DDX10: variants seen among roughly 807,000 people sequenced by gnomAD.
DDX10 encodes probable ATP-dependent RNA helicase DDX10.
A neutral mutation model predicts 104.3 loss-of-function variants in DDX10; 74 were observed. That is an observed-to-expected ratio of 0.71 (90% confidence interval 0.59 to 0.86). The LOEUF (loss-of-function observed/expected upper bound fraction) is 0.86. Among genes scored for constraint, DDX10 ranks in the 40% least tolerant of loss-of-function variants. The pLI, the probability that DDX10 is intolerant of heterozygous loss-of-function variation, is 0.00. For synonymous variants in DDX10, 351 were observed against 353.4 expected (o/e 0.99, Z 0.08); for missense variants, 952 against 1,040.0 (o/e 0.92, Z 1.16).
Position 108,940,337 on chromosome 11 carries a change from T to C in DDX10, c.2542T>C (p.Trp848Arg). ...AAGTCATAACAGAAAGAAGGCCAGG[T>C]GGGACACTTTAGAGCCTTTGGATAC... ...PTSHNRKKAR[W>R]DTLEPLDTGL... The change falls in exon 18 of 18, where the codon TGG becomes CGG. Residue 848 changes from tryptophan to arginine, a missense_variant. Physicochemically the swap from Trp to Arg is moderately radical, Grantham distance 101 (BLOSUM62 -3). This residue lies in a region of DDX10 where 533 missense variants were observed against 534.1 expected (regional missense o/e 1.00). Transcript: ENST00000322536. 3.7e-6 allele frequency: 6 copies of C among 1,613,980 alleles called. No homozygotes were observed. Among genetic ancestry groups the C allele is most frequent in the Non-Finnish European group, 5.1e-6 (6 of 1,179,998 alleles).
chr11:108,808,575 A>G (rs1388796280), intron 13 of DDX10, among the ~76,000 whole-genome samples: 1 of 152,158 alleles, frequency 6.6e-6, no homozygotes, highest in Non-Finnish European at 1.5e-5. Flanking sequence ...CCAGTTTTGC[A>G]AACCAGAAAA....
chr11:108,666,373 G>C (rs144296734), intron 1 of DDX10, among the ~76,000 whole-genome samples: 2,968 of 152,146 alleles, frequency 0.02, 74 homozygotes, highest in African/African-American at 0.06. Flanking sequence ...CCAGCTACTC[G>C]GGAGGCTGAG....
At chr11:108,937,552 G>C (rs10502104) in intron 17 of DDX10, among the ~76,000 whole-genome samples, 7,952 of 152,240 alleles carry the variant, frequency 0.052, 285 homozygotes, top group Non-Finnish European at 0.084. Flanking sequence ...GTTTGGCTCA[G>C]ATGGTTACTT....
In DDX10 at chr11:108,722,906, G is replaced by A. The variant is rs981217368; in HGVS notation, c.1500-91G>A. ...GAACATTTTCTTTAAAAAAGCTCTA[G>A]GAATCTCTGCTCTTGAGAAACTCTT... On this transcript the variant is annotated intron_variant, in intron 12 of 17. Transcript: ENST00000322536. The A allele has an allele frequency of 2.1e-6, 3 of 1,458,970 alleles. No homozygotes were observed. The African/African-American group carries it at 4.3e-5, about 21-fold the overall frequency. 90.4% of individuals were successfully genotyped at this position (1,458,970 alleles called of 1,614,324 possible). A position where few individuals can be genotyped will look rare whatever the true frequency, so the allele number is the denominator to read the frequency against.
At chr11:108,785,572 G>A (rs745680993) in intron 13 of DDX10, among the ~76,000 whole-genome samples, 14 of 152,034 alleles carry the variant, frequency 9.2e-5, no homozygotes, top group Non-Finnish European at 1.6e-4. Context: ...AATCCCTCTC[G>A]TCTGGAGCTC....
chr11:108,676,488 C>T (rs2094225333), intron 3 of DDX10, among the ~76,000 whole-genome samples: 2 of 152,088 alleles, frequency 1.3e-5, no homozygotes, highest in African/African-American at 2.4e-5. Context: ...CTGTGTTGCC[C>T]AGGCTGGAGT....
At chr11:108,936,957 G>T (rs1432748050) in intron 17 of DDX10, among the ~76,000 whole-genome samples, 1 of 152,286 alleles carries the variant, frequency 6.6e-6, no homozygotes. Context: ...CATACAGTTG[G>T]AAAAGAAAAT....
rs112313851 is a variant in DDX10 at position 108,777,767 on chromosome 11, G to A, written c.1965+54305G>A. On this transcript the variant is annotated intron_variant, in intron 13 of 17. Transcript: ENST00000322536. ...GGAAGTCAAATTGTCCCTGTTTGCGGATGACATGATTGTATGTTTAGAAAA... is the reference window on the plus strand; with the variant it reads ...GGAAGTCAAATTGTCCCTGTTTGCGAATGACATGATTGTATGTTTAGAAAA... 7.4e-4 allele frequency among the ~76,000 whole-genome samples: 112 copies of A among 152,364 alleles called. 1 individual carries two copies. The highest frequency in any genetic ancestry group is 2.7e-3 in the African/African-American group (111 of 41,590).
chr11:108,782,445 C>T (rs1861718925), intron 13 of DDX10, among the ~76,000 whole-genome samples: 2 of 152,130 alleles, frequency 1.3e-5, no homozygotes, highest in Admixed American at 1.3e-4. Context: ...GTTCTCATTT[C>T]TCCGAGATCC....
chr11:108,895,223 T>C (rs1470473252), intron 16 of DDX10, among the ~76,000 whole-genome samples: 1 of 151,970 alleles, frequency 6.6e-6, no homozygotes, highest in Non-Finnish European at 1.5e-5. Flanking sequence ...TTCAGGAAAC[T>C]TTGCCAGAGC....
intron 13 of DDX10, among the ~76,000 whole-genome samples, chr11:108,751,260 C>T (rs1281896087): frequency 6.6e-6 from 1 of 151,886 alleles, no homozygotes; most frequent in Non-Finnish European, 1.5e-5. Flanking sequence ...CTATCACAGG[C>T]CATGTACTTT....
intron 16 of DDX10, among the ~76,000 whole-genome samples, chr11:108,908,254 T>G (rs1279469400): frequency 1.3e-5 from 2 of 152,240 alleles, no homozygotes; most frequent in Admixed American, 1.3e-4. Flanking sequence ...GAAGAATTAA[T>G]GCATTCTTGG....
intron 13 of DDX10, among the ~76,000 whole-genome samples, chr11:108,740,764 T>C (rs1373136106): frequency 1.3e-5 from 2 of 150,300 alleles, no homozygotes; most frequent in African/African-American, 4.8e-5. Context: ...CATATGCTTT[T>C]TGGCTATGTA....
chr11:108,679,112 C>T (rs2094230758), intron 5 of DDX10, among the ~76,000 whole-genome samples: 2 of 152,068 alleles, frequency 1.3e-5, no homozygotes, highest in Non-Finnish European at 2.9e-5. Flanking sequence ...CCACCTTGGC[C>T]TCCCAAAGTG....
intron 13 of DDX10, among the ~76,000 whole-genome samples, chr11:108,816,983 AAAGTCCTCACTT>A (rs1436006073): frequency 6.6e-6 from 1 of 152,214 alleles, no homozygotes; most frequent in African/African-American, 2.4e-5. Flanking sequence ...CTTGCACAGT[AAAGTCCTCACTT>A]AACATCATAA....
intron 15 of DDX10, among the ~76,000 whole-genome samples, chr11:108,843,468 A>T (rs1272954243): frequency 6.6e-6 from 1 of 151,908 alleles, no homozygotes; most frequent in East Asian, 1.9e-4. Flanking sequence ...AGATAAAAAA[A>T]TTGCACATTG....
At chr11:108,812,119 A>G (rs1417380821) in intron 13 of DDX10, among the ~76,000 whole-genome samples, 1 of 152,208 alleles carries the variant, frequency 6.6e-6, no homozygotes, top group African/African-American at 2.4e-5. Context: ...GCCTGCAACC[A>G]GTCTGCTCAT....
chr11:108,706,883 T>A, intron 10 of DDX10, 46 bp downstream of exon 10: 1 of 1,496,694 alleles, frequency 6.7e-7, no homozygotes, highest in Non-Finnish European at 9.3e-7. Flanking sequence ...AATGAGGGCA[T>A]GAAATTGTTT....
chr11:108,890,600 G>A (rs531950783), intron 16 of DDX10, among the ~76,000 whole-genome samples: 9 of 151,054 alleles, frequency 6.0e-5, no homozygotes, highest in African/African-American at 2.2e-4. Flanking sequence ...ACCCTGCATA[G>A]GGGTAGGTTC....
Sources: allele counts gnomAD v4.1 joint callset (sites outside exome capture counted in the v4.1 genomes callset), GRCh38; gene constraint gnomAD v4.1.1; regional missense constraint gnomAD v4.1.1; transcripts MANE v1.5; gene names NCBI Gene and HGNC (gene_info 2026-07-23, HGNC 2026-07-21).